TMPRSS12: variants seen among roughly 807,000 people sequenced by gnomAD.
TMPRSS12 encodes transmembrane protease serine 12.
A neutral mutation model predicts 26.0 loss-of-function variants in TMPRSS12; 25 were observed. The ratio of observed to expected loss-of-function variants is 0.96; its 90% confidence interval spans 0.70 to 1.34. The LOEUF is 1.34. Among genes scored for constraint, TMPRSS12 ranks in the 40% most tolerant of loss-of-function variants. The probability of loss-of-function intolerance (pLI) is 0.00; values close to 1 mark genes in which losing one functional copy is unlikely to be tolerated. For missense variants in TMPRSS12, 441 were observed against 440.1 expected, an observed-to-expected ratio of 1.00 and a Z score of -0.02; for synonymous variants, 150 against 161.7, an observed-to-expected ratio of 0.93 and a Z score of 0.55.
intron 2 of TMPRSS12, among the ~76,000 whole-genome samples, chr12:50,857,380 C>T (rs829136): frequency 0.97 from 147,856 of 152,262 alleles, 71,963 homozygotes; most frequent in East Asian, 1. Context: ...TATTGATACA[C>T]GTTGCCAAAT....
chr12:50,864,448 C>A (rs1231538460), intron 3 of TMPRSS12, among the ~76,000 whole-genome samples: 1 of 151,886 alleles, frequency 6.6e-6, no homozygotes, highest in Non-Finnish European at 1.5e-5. Flanking sequence ...CTTAAGATCC[C>A]ACAGATTAAA....
At chr12:50,881,263 G>A (rs1046034662) in intron 3 of TMPRSS12, among the ~76,000 whole-genome samples, 34 of 152,172 alleles carry the variant, frequency 2.2e-4, no homozygotes, top group East Asian at 1.9e-4. Context: ...AATTATAGGC[G>A]TGAGCCACTG....
At chr12:50,856,493 A>G (rs1449116720) in intron 2 of TMPRSS12, among the ~76,000 whole-genome samples, 1 of 152,212 alleles carries the variant, frequency 6.6e-6, no homozygotes, top group Admixed American at 6.5e-5. Flanking sequence ...TCCATCTACT[A>G]TTTGAAGGAT....
intron 3 of TMPRSS12, among the ~76,000 whole-genome samples, chr12:50,869,086 G>T (rs1293945459): frequency 6.7e-6 from 1 of 148,890 alleles, no homozygotes; most frequent in East Asian, 2.0e-4. Context: ...ATACTTCAAG[G>T]AACTAGAGAA....
At chr12:50,850,913 A>C (rs1385669996) in intron 2 of TMPRSS12, among the ~76,000 whole-genome samples, 1 of 152,152 alleles carries the variant, frequency 6.6e-6, no homozygotes, top group Non-Finnish European at 1.5e-5. Context: ...GTCCCCCAGG[A>C]TTAGACCTTA....
At chr12:50,846,406 C>T (rs1937767930) in intron 2 of TMPRSS12, among the ~76,000 whole-genome samples, 2 of 152,106 alleles carry the variant, frequency 1.3e-5, no homozygotes, top group Non-Finnish European at 2.9e-5. Context: ...TGTCCTTTCC[C>T]CATTAGATGG....
At chr12:50,865,226 G>C (rs1255804028) in intron 3 of TMPRSS12, among the ~76,000 whole-genome samples, 1 of 152,072 alleles carries the variant, frequency 6.6e-6, no homozygotes, top group Non-Finnish European at 1.5e-5. Flanking sequence ...CCAGCTACTT[G>C]GGAGGCTGAG....
intron 2 of TMPRSS12, among the ~76,000 whole-genome samples, chr12:50,850,794 A>T (rs1397649213): frequency 2.6e-5 from 4 of 152,178 alleles, no homozygotes; most frequent in Non-Finnish European, 5.9e-5. Context: ...TTTTGCCAGC[A>T]TCCCTCATTG....
rs756252050 is a variant in TMPRSS12 at position 50,885,324 on chromosome 12, G to A, written c.731G>A (p.Gly244Glu). 2 of 1,613,462 alleles carry A rather than the reference G, an allele frequency of 1.2e-6. No homozygotes were observed. The highest frequency in any genetic ancestry group is 1.7e-6 in the Non-Finnish European group (2 of 1,179,600). Reference protein sequence around the residue: ...REMCNSERSYGGIIPNTSFCA... With the variant: ...REMCNSERSYEGIIPNTSFCA... ...ATGTGTAATTCTGAGAGGAGTTATG[G>A]GGGAATAATTCCTAACACTTCATTT... The change falls in exon 4 of 5, where the codon GGG becomes GAG. Residue 244 changes from glycine (G) to glutamate (E), a missense_variant. Gly to Glu is a moderately conservative substitution (Grantham distance 98). Transcript: ENST00000398458.
At chr12:50,876,078 TAAAACACGGGC>T (rs1938110286) in intron 3 of TMPRSS12, among the ~76,000 whole-genome samples, 1 of 151,944 alleles carries the variant, frequency 6.6e-6, no homozygotes, top group African/African-American at 2.4e-5. Flanking sequence ...TTAACCCCAT[TAAAACACGGGC>T]AAAAGACATG....
chr12:50,845,206 T>C (rs11169587), intron 2 of TMPRSS12, among the ~76,000 whole-genome samples: 54,691 of 152,000 alleles, frequency 0.36, 10,386 homozygotes, highest in African/African-American at 0.5. Flanking sequence ...AAAGATCCAC[T>C]TCCATGCCAA....
intron 1 of TMPRSS12, 89 bp from the exon 2 acceptor site, chr12:50,843,753 A>T: frequency 7.6e-7 from 1 of 1,321,402 alleles, no homozygotes; most frequent in Non-Finnish European, 1.0e-6. Context: ...TAACATAGGA[A>T]TTTAAAGGAT....
chr12:50,870,660 G>A (rs1239814468), intron 3 of TMPRSS12, among the ~76,000 whole-genome samples: 1 of 150,954 alleles, frequency 6.6e-6, no homozygotes, highest in Non-Finnish European at 1.5e-5. Context: ...GGAAGTCAAA[G>A]TGTCACTGTT....
intron 4 of TMPRSS12, chr12:50,887,021 C>A: frequency 2.3e-6 from 1 of 434,144 alleles, no homozygotes. Flanking sequence ...GGCTCAAAAC[C>A]AGGCAGATGA....
intron 3 of TMPRSS12, among the ~76,000 whole-genome samples, chr12:50,877,037 A>T (rs1025532724): frequency 7.9e-5 from 12 of 151,998 alleles, no homozygotes; most frequent in Admixed American, 7.9e-4. Flanking sequence ...GTCACAAAAG[A>T]CACCAGGGAC....
intron 3 of TMPRSS12, among the ~76,000 whole-genome samples, chr12:50,877,908 C>T (rs1432329289): frequency 6.6e-6 from 1 of 152,142 alleles, no homozygotes; most frequent in Admixed American, 6.5e-5. Flanking sequence ...CCATGCCCGG[C>T]CCATAATAGC....
chr12:50,847,057 C>CTTTT lies in TMPRSS12; in HGVS notation c.383+3036_383+3039dup, dbSNP rs547352999. 5.6e-4 allele frequency among the ~76,000 whole-genome samples: 61 copies of CTTTT among 109,900 alleles called. 1 individual carries two copies. Among genetic ancestry groups the CTTTT allele is most frequent in the East Asian group, 1.3e-3 (5 of 3,858 alleles). The allele number at this position is 109,900 out of a possible 152,430, so 72.1% of individuals were successfully genotyped here. A position where few individuals can be genotyped will look rare whatever the true frequency, so the allele number is the denominator to read the frequency against. ...ATAGGGATTGCATTCAGTCTAAAAA[C>CTTTT]TTTTTTTTTTTTTTTTTTTGAGACG... On this transcript the variant is annotated intron_variant, in intron 2 of 4. Transcript: ENST00000398458.
At chr12:50,868,002 A>G (rs917795517) in intron 3 of TMPRSS12, among the ~76,000 whole-genome samples, 3 of 152,218 alleles carry the variant, frequency 2.0e-5, no homozygotes, top group African/African-American at 7.2e-5. Flanking sequence ...AATCCTGGAA[A>G]CACATCAAGA....
intron 3 of TMPRSS12, among the ~76,000 whole-genome samples, chr12:50,861,551 T>C (rs1486523949): frequency 6.6e-6 from 1 of 152,154 alleles, no homozygotes; most frequent in Non-Finnish European, 1.5e-5. Flanking sequence ...GACTCTTTAA[T>C]AATAATTAGA....
Sources: allele counts gnomAD v4.1 joint callset (sites outside exome capture counted in the v4.1 genomes callset), GRCh38; gene constraint gnomAD v4.1.1; transcripts MANE v1.5; gene names NCBI Gene and HGNC (gene_info 2026-07-23, HGNC 2026-07-21).